SLC30A9: variants seen among roughly 807,000 people sequenced by gnomAD.
The protein encoded by SLC30A9 is solute carrier family 30 member 9.
SLC30A9 carries 58 observed loss-of-function variants against 87.5 expected under a neutral mutation model. The ratio of observed to expected loss-of-function variants is 0.66; its 90% CI spans 0.54 to 0.82. The LOEUF (loss-of-function observed/expected upper bound fraction) is 0.82. Ranked by LOEUF, SLC30A9 falls within the 40% of genes least tolerant of loss-of-function variation. The probability of loss-of-function intolerance (pLI) is 0.00; values close to 1 mark genes in which losing one functional copy is unlikely to be tolerated. For missense variants in SLC30A9, 557 were observed against 679.1 expected (o/e 0.82, Z 2.00); for synonymous variants, 234 against 233.0 (o/e 1.00, Z -0.04).
chr4:42,034,069 A>T (rs537307820), intron 6 of SLC30A9, among the ~76,000 whole-genome samples: 1 of 145,992 alleles, frequency 6.8e-6, no homozygotes, highest in South Asian at 2.3e-4. Flanking sequence ...AGTTAAAAGA[A>T]TTTTTTGTAA....
In SLC30A9 at chr4:42,086,204, C is replaced by A. The variant is rs1718920551; in HGVS notation, c.*78C>A. ...CCACTCTACAAAGTTTCCTCCTCTC[C>A]TACACTGAAAGACTCAGTGCCATGC... On this transcript the variant is annotated 3_prime_UTR_variant, in exon 18 of 18. Transcript: ENST00000264451. 1.2e-6 allele frequency: 1 copy of A among 865,512 alleles called. No homozygotes were observed. Among genetic ancestry groups the A allele is most frequent in the Non-Finnish European group, 1.8e-6 (1 of 556,258 alleles). The allele number at this position is 865,512 out of a possible 1,614,324, so 53.6% of individuals were successfully genotyped here.
At chr4:42,009,797 G>A (rs189443214) in intron 2 of SLC30A9, among the ~76,000 whole-genome samples, 10 of 152,286 alleles carry the variant, frequency 6.6e-5, no homozygotes, top group East Asian at 1.9e-4. Context: ...GTTCAATAAT[G>A]TTGAGCATTG....
In SLC30A9 at chr4:42,022,911, A is replaced by G. The variant is rs1294556091; in HGVS notation, c.508A>G (p.Arg170Gly). 6.4e-7 allele frequency: 1 copy of G among 1,573,320 alleles called. No individual in the cohort carries two copies. The change falls in exon 5 of 18, where the codon AGA becomes GGA. Residue 170 changes from arginine to glycine, a missense_variant. Physicochemically the swap from Arg to Gly is moderately radical, Grantham distance 125 (BLOSUM62 -2). This residue lies in a region of SLC30A9 where 467 missense variants were observed against 529.8 expected (regional missense o/e 0.88). Transcript: ENST00000264451. ...TACTGAGTCTTTTACTGTATACTTG[A>G]GATCAGATGTGGAAGCAAAGTAAGA... Reference protein sequence around the residue: ...EDTESFTVYLRSDVEAKSLEV... With the variant: ...EDTESFTVYLGSDVEAKSLEV...
intron 2 of SLC30A9, among the ~76,000 whole-genome samples, chr4:42,005,940 A>T (rs902652108): frequency 6.6e-6 from 1 of 152,228 alleles, no homozygotes; most frequent in Non-Finnish European, 1.5e-5. Flanking sequence ...TTAGCCCTGT[A>T]TTCATGTGTT....
At chr4:42,055,663 A>G (rs761663614) in intron 9 of SLC30A9, among the ~76,000 whole-genome samples, 1 of 152,248 alleles carries the variant, frequency 6.6e-6, no homozygotes, top group Non-Finnish European at 1.5e-5. Flanking sequence ...GTATCATTTA[A>G]TATCAACTGA....
intron 8 of SLC30A9, among the ~76,000 whole-genome samples, chr4:42,042,198 C>G (rs1716950080): frequency 6.6e-6 from 1 of 152,176 alleles, no homozygotes; most frequent in African/African-American, 2.4e-5. Flanking sequence ...CCTCGAATGC[C>G]AGTGAGACAG....
intron 1 of SLC30A9, among the ~76,000 whole-genome samples, chr4:41,997,100 G>A (rs1480490263): frequency 1.3e-5 from 2 of 150,736 alleles, no homozygotes; most frequent in African/African-American, 4.9e-5. Flanking sequence ...CAAGGCAGTA[G>A]AGAGGTATGT....
chr4:42,015,506 T>A (rs1391881843), intron 2 of SLC30A9, among the ~76,000 whole-genome samples: 1 of 152,204 alleles, frequency 6.6e-6, no homozygotes, highest in African/African-American at 2.4e-5. Context: ...GAACTCATAA[T>A]CTAAATATGT....
chr4:42,046,847 C>T (rs1487151363), intron 8 of SLC30A9, among the ~76,000 whole-genome samples: 4 of 152,114 alleles, frequency 2.6e-5, no homozygotes, highest in South Asian at 2.1e-4. Context: ...TACAAGGCTG[C>T]GGTAACCAAA....
At chr4:42,052,176 A>G (rs1328277744) in intron 9 of SLC30A9, among the ~76,000 whole-genome samples, 1 of 152,124 alleles carries the variant, frequency 6.6e-6, no homozygotes, top group Admixed American at 6.5e-5. Context: ...GTATCACAAA[A>G]TATTAAATAC....
intron 9 of SLC30A9, among the ~76,000 whole-genome samples, chr4:42,059,023 T>A (rs1189795144): frequency 1.3e-5 from 2 of 152,194 alleles, no homozygotes; most frequent in African/African-American, 4.8e-5. Context: ...ATATTCTGTG[T>A]ATTTAGGGTA....
chr4:42,045,231 T>G (rs1158498510), intron 8 of SLC30A9, among the ~76,000 whole-genome samples: 1 of 151,980 alleles, frequency 6.6e-6, no homozygotes, highest in African/African-American at 2.4e-5. Flanking sequence ...CTGAAAGAGA[T>G]AGAGACACCA....
intron 15 of SLC30A9, among the ~76,000 whole-genome samples, chr4:42,071,408 A>G (rs1382255462): frequency 6.6e-6 from 1 of 152,160 alleles, no homozygotes; most frequent in Non-Finnish European, 1.5e-5. Context: ...AATGACCCGT[A>G]TATCTGAATT....
At chr4:41,992,359 A>G (rs778888715) in intron 1 of SLC30A9, among the ~76,000 whole-genome samples, 17 of 151,942 alleles carry the variant, frequency 1.1e-4, no homozygotes, top group Non-Finnish European at 1.9e-4. Context: ...AAAAGAAAAG[A>G]AAAAGAAAAA....
At chr4:42,017,365 T>A (rs1417982230) in intron 2 of SLC30A9, among the ~76,000 whole-genome samples, 1 of 95,746 alleles carries the variant, frequency 1.0e-5, no homozygotes, top group Non-Finnish European at 2.3e-5. Flanking sequence ...GCGGCCTTTC[T>A]TTTTTCTCTG....
At chr4:42,007,052 G>C (rs1214510049) in intron 2 of SLC30A9, among the ~76,000 whole-genome samples, 1 of 152,142 alleles carries the variant, frequency 6.6e-6, no homozygotes, top group Admixed American at 6.5e-5. Flanking sequence ...GTTTTAGAAA[G>C]ATAACTAGTT....
rs142861038 is a variant in SLC30A9 at position 42,083,979 on chromosome 4, T to A, written c.1663-2103T>A. Among the ~76,000 whole-genome samples, 1,358 of 152,284 alleles carry A rather than the reference T, an allele frequency of 8.9e-3. 22 individuals are homozygous for A. The highest frequency in any genetic ancestry group is 0.031 in the African/African-American group (1,305 of 41,556). ...CTGTGTGCACTCAGTAGAGTGTTCT[T>A]GCTGGAGCAAAACTCCAATATTCTG... On this transcript the variant is annotated intron_variant, in intron 17 of 17. Transcript: ENST00000264451.
chr4:42,015,827 A>C (rs1310587132), intron 2 of SLC30A9, among the ~76,000 whole-genome samples: 1 of 151,836 alleles, frequency 6.6e-6, no homozygotes, highest in Non-Finnish European at 1.5e-5. Flanking sequence ...AGTGATCTTC[A>C]TGTTGGTAAT....
intron 15 of SLC30A9, among the ~76,000 whole-genome samples, chr4:42,075,277 T>C (rs1718505136): frequency 6.6e-6 from 1 of 151,144 alleles, no homozygotes; most frequent in African/African-American, 2.4e-5. Context: ...TTTCACCATA[T>C]TGGCCAGGCT....
Sources: gnomAD v4.1 joint callset for allele counts (sites outside exome capture counted in the v4.1 genomes callset) on GRCh38, gnomAD v4.1.1 for gene constraint, gnomAD v4.1.1 regional missense constraint, MANE v1.5 for transcripts, NCBI Gene and HGNC (gene_info 2026-07-23, HGNC 2026-07-21) for gene names.